The following BLOC1S2 variants were observed in gnomAD, a reference collection of about 807,000 sequenced individuals.
BLOC1S2 encodes the protein biogenesis of lysosomal organelles complex 1 subunit 2, also known as biogenesis of lysosome-related organelles complex 1 subunit 2.
Under a neutral mutation model 19.6 loss-of-function variants are expected in BLOC1S2, and 12 were observed. That is an observed-to-expected ratio of 0.61 (90% CI 0.39 to 0.99). BLOC1S2 has a LOEUF of 0.99. Among genes scored for constraint, BLOC1S2 ranks in the 50% least tolerant of loss-of-function variants. The pLI is 0.00. For synonymous variants in BLOC1S2, 66 were observed against 64.1 expected (o/e 1.03, Z -0.14); for missense variants, 142 against 171.0 (o/e 0.83, Z 0.95).
In BLOC1S2 at chr10:100,274,930, G is replaced by A; in HGVS notation, c.*532C>T. ...AAGACTCAGCTTGGAATTATTTTAAGATTTTATGTTATTTGCAATATTATG... is the reference window on the plus strand; with the variant it reads ...AAGACTCAGCTTGGAATTATTTTAAAATTTTATGTTATTTGCAATATTATG... On this transcript the variant is annotated 3_prime_UTR_variant, in exon 5 of 5. Transcript: ENST00000370372. 1 of 398,568 alleles carries A rather than the reference G, an allele frequency of 2.5e-6. No homozygotes were observed. Among genetic ancestry groups the A allele is most frequent in the Non-Finnish European group, 4.4e-6 (1 of 226,050 alleles). 24.7% of individuals were successfully genotyped at this position (398,568 alleles called of 1,614,324 possible).
Position 100,274,236 on chromosome 10 carries a change from A to G in BLOC1S2, c.*1226T>C, listed in dbSNP as rs1034223808. The G allele has an allele frequency of 3.9e-5, 6 of 152,294 alleles. No homozygotes were observed. The highest frequency in any genetic ancestry group is 7.3e-5 in the Non-Finnish European group (5 of 68,096). 9.4% of individuals were successfully genotyped at this position (152,294 alleles called of 1,614,324 possible). A position where few individuals can be genotyped will look rare whatever the true frequency, so the allele number is the denominator to read the frequency against. ...ACCACACTCCAGCCTGGGTGACAAT[A>G]GAGACCCTGTCTATAAACAAACAAA... On this transcript the variant is annotated 3_prime_UTR_variant, in exon 5 of 5. Coordinates refer to ENST00000370372, the MANE Select transcript of BLOC1S2 (RefSeq NM_173809.5).
intron 4 of BLOC1S2, among the ~76,000 whole-genome samples, chr10:100,277,321 G>A (rs1413536244): frequency 6.6e-6 from 1 of 151,594 alleles, no homozygotes; most frequent in African/African-American, 2.4e-5. Context: ...CACCCCGGCC[G>A]GGAGGGAGGT....
rs372277481 is a variant in BLOC1S2 at position 100,275,405 on chromosome 10, T to C, written c.*57A>G. On this transcript the variant is annotated 3_prime_UTR_variant, in exon 5 of 5. Coordinates refer to ENST00000370372, the MANE Select transcript of BLOC1S2 (RefSeq NM_173809.5). Reference sequence around the variant, plus strand: ...TTCATCAGCCTCAGGATTCAGGTTTTATAAGACATTCTTCCACATTAAAAA... The same window carrying C: ...TTCATCAGCCTCAGGATTCAGGTTTCATAAGACATTCTTCCACATTAAAAA... 97 of 1,517,150 alleles carry C rather than the reference T, an allele frequency of 6.4e-5. No individual in the cohort carries two copies. Among genetic ancestry groups the C allele is most frequent in the Non-Finnish European group, 8.5e-5 (95 of 1,117,030 alleles). The allele number at this position is 1,517,150 out of a possible 1,614,324, so 94.0% of individuals were successfully genotyped here.
intron 4 of BLOC1S2, among the ~76,000 whole-genome samples, chr10:100,278,089 T>C (rs1403072056): frequency 1.0e-3 from 82 of 79,278 alleles, no homozygotes; most frequent in South Asian, 4.2e-3. Context: ...GGCCAGCCGC[T>C]CCGTCCGGGA....
intron 4 of BLOC1S2, among the ~76,000 whole-genome samples, chr10:100,277,907 A>G (rs1847967328): frequency 3.0e-5 from 3 of 100,688 alleles, no homozygotes; most frequent in Non-Finnish European, 6.2e-5. Context: ...CCGCCTGGCC[A>G]GCCGCCCCGT....
chr10:100,280,701 C>T (rs1182825917), intron 3 of BLOC1S2, among the ~76,000 whole-genome samples: 1 of 152,054 alleles, frequency 6.6e-6, no homozygotes, highest in Non-Finnish European at 1.5e-5. Flanking sequence ...TTCCTTTGCC[C>T]CCTCCCATTC....
At chr10:100,280,082 A>C in intron 4 of BLOC1S2, 42 bp downstream of exon 4, 1 of 1,473,072 alleles carries the variant, frequency 6.8e-7, no homozygotes, top group Non-Finnish European at 9.5e-7. Flanking sequence ...TGCTGGCAAG[A>C]AGCAGTCTTT....
chr10:100,277,307 C>CA (rs1166482439), intron 4 of BLOC1S2, among the ~76,000 whole-genome samples: 1 of 151,902 alleles, frequency 6.6e-6, no homozygotes, highest in Non-Finnish European at 1.5e-5. Flanking sequence ...CTCCGCCCGG[C>CA]AGCCACCCCG....
At chr10:100,286,276 C>A in intron 1 of BLOC1S2, 63 bp from the exon 2 acceptor site, 1 of 1,561,374 alleles carries the variant, frequency 6.4e-7, no homozygotes, top group Non-Finnish European at 8.7e-7. Context: ...GCCAAAGCAG[C>A]CTGTTCCGAC....
In BLOC1S2 at chr10:100,280,978, A is replaced by G. The variant is rs768572241; in HGVS notation, c.248T>C (p.Ile83Thr). The G allele has an allele frequency of 1.2e-6, 2 of 1,613,584 alleles. No homozygotes were observed. Among genetic ancestry groups the G allele is most frequent in the East Asian group, 2.2e-5 (1 of 44,850 alleles). The change falls in exon 3 of 5, where the codon ATT becomes ACT. Residue 83 changes from isoleucine to threonine, a missense_variant. Around this residue, in one of 2 missense-constraint regions of BLOC1S2, gnomAD observed 94 missense variants for 141.3 expected, o/e 0.67. Coordinates refer to ENST00000370372, the MANE Select transcript of BLOC1S2 (RefSeq NM_173809.5). Reference sequence around the variant, plus strand: ...TAAGTTCCTACTAATGTTTATAGCAATATCTTTCATTTCAAGATACTTCAA... The same window carrying G: ...TAAGTTCCTACTAATGTTTATAGCAGTATCTTTCATTTCAAGATACTTCAA... ...TSLKYLEMKD[I>T]AINISRNLKD...
intron 4 of BLOC1S2, among the ~76,000 whole-genome samples, chr10:100,276,385 C>T (rs1847859112): frequency 1.3e-5 from 1 of 78,330 alleles, no homozygotes; most frequent in Non-Finnish European, 2.5e-5. Context: ...GTCTCCCTCT[C>T]CCGTCTCCCT....
rs1432720956 is a variant in BLOC1S2, at chr10:100,274,921, T to A, written c.*541A>T. Reference sequence around the variant, plus strand: ...TCAATCTAGAAGACTCAGCTTGGAATTATTTTAAGATTTTATGTTATTTGC... The same window carrying A: ...TCAATCTAGAAGACTCAGCTTGGAAATATTTTAAGATTTTATGTTATTTGC... On this transcript the variant is annotated 3_prime_UTR_variant, in exon 5 of 5. Transcript: ENST00000370372. 1 of 398,498 alleles carries A rather than the reference T, an allele frequency of 2.5e-6. No homozygotes were observed. Among genetic ancestry groups the A allele is most frequent in the African/African-American group, 2.1e-5 (1 of 48,638 alleles). 24.7% of individuals were successfully genotyped at this position (398,498 alleles called of 1,614,324 possible).
At chr10:100,284,861 A>C (rs1317375011) in intron 2 of BLOC1S2, among the ~76,000 whole-genome samples, 3 of 152,086 alleles carry the variant, frequency 2.0e-5, no homozygotes, top group Non-Finnish European at 4.4e-5. Context: ...TGGTAAAAGG[A>C]ATGGAAAGGA....
At chr10:100,277,688 C>T (rs1847950023) in intron 4 of BLOC1S2, among the ~76,000 whole-genome samples, 3 of 140,656 alleles carry the variant, frequency 2.1e-5, no homozygotes, top group Admixed American at 6.8e-5. Flanking sequence ...GGCCAGCCGC[C>T]CCGTCCGGGA....
chr10:100,281,140 G>C (rs1848091794), intron 2 of BLOC1S2, 87 bp from the exon 3 acceptor site: 1 of 1,512,760 alleles, frequency 6.6e-7, no homozygotes, highest in East Asian at 2.3e-5. Flanking sequence ...GGTAGTTCAA[G>C]GCAGGACCAA....
At chr10:100,282,216 C>T (rs1848127146) in intron 2 of BLOC1S2, among the ~76,000 whole-genome samples, 1 of 152,230 alleles carries the variant, frequency 6.6e-6, no homozygotes, top group African/African-American at 2.4e-5. Flanking sequence ...AAAGCACTCT[C>T]TCTATTCTGC....
intron 4 of BLOC1S2, among the ~76,000 whole-genome samples, chr10:100,277,505 T>G (rs1418843527): frequency 1.6e-4 from 12 of 72,904 alleles, no homozygotes; most frequent in Admixed American, 2.7e-4. Flanking sequence ...GGGAGGGAGG[T>G]GGGGGGGTCA....
chr10:100,282,965 G>C, intron 2 of BLOC1S2: 1 of 398,518 alleles, frequency 2.5e-6, no homozygotes, highest in Non-Finnish European at 4.4e-6. Flanking sequence ...ACACCACTAC[G>C]AAAGTGACTC....
intron 2 of BLOC1S2, among the ~76,000 whole-genome samples, chr10:100,282,416 T>C (rs1314384543): frequency 6.6e-6 from 1 of 152,214 alleles, no homozygotes; most frequent in Non-Finnish European, 1.5e-5. Context: ...ACCAAATCCA[T>C]GGCATTTGCT....
Sources: gnomAD v4.1 joint callset for allele counts (sites outside exome capture counted in the v4.1 genomes callset) on GRCh38, gnomAD v4.1.1 for gene constraint, gnomAD v4.1.1 regional missense constraint, MANE v1.5 for transcripts, NCBI Gene and HGNC (gene_info 2026-07-23, HGNC 2026-07-21) for gene names.